The following ADGRL2 variants were observed in gnomAD, a reference collection of about 807,000 sequenced individuals.
ADGRL2 encodes adhesion G protein-coupled receptor L2, also known as calcium-independent alpha-latrotoxin receptor 2.
A neutral mutation model predicts 157.4 loss-of-function variants in ADGRL2; 44 were observed. The observed-to-expected ratio is 0.28, with a 90% CI of 0.22 to 0.36. The LOEUF is 0.36. Ranked by LOEUF, ADGRL2 falls within the 10% of genes least tolerant of loss-of-function variation. ADGRL2 has a pLI of 1.00. For missense variants in ADGRL2, 1,510 were observed against 1,768.9 expected, an observed-to-expected ratio of 0.85 and a Z score of 2.63; for synonymous variants, 585 against 624.7, an observed-to-expected ratio of 0.94 and a Z score of 0.95.
intron 3 of ADGRL2, among the ~76,000 whole-genome samples, chr1:81,658,395 A>G (rs555082836): frequency 2.6e-5 from 4 of 152,274 alleles, no homozygotes; most frequent in African/African-American, 9.6e-5. Flanking sequence ...GCACATGGCC[A>G]CATTGTCTCT....
chr1:81,593,751 C>A (rs143265876), intron 3 of ADGRL2, among the ~76,000 whole-genome samples: 1 of 152,236 alleles, frequency 6.6e-6, no homozygotes, highest in East Asian at 1.9e-4. Flanking sequence ...TGAGTTCCTT[C>A]TGTAGACAAA....
intron 2 of ADGRL2, among the ~76,000 whole-genome samples, chr1:81,550,923 A>C (rs1262069426): frequency 6.6e-6 from 1 of 152,172 alleles, no homozygotes; most frequent in Non-Finnish European, 1.5e-5. Context: ...CAGGAAGAAC[A>C]AGTTTGGGTG....
chr1:81,853,833 A>G (rs1241774939), intron 2 of ADGRL2, among the ~76,000 whole-genome samples: 2 of 152,118 alleles, frequency 1.3e-5, no homozygotes, highest in Admixed American at 6.6e-5. Flanking sequence ...TGAGAATTTT[A>G]TGCTTTATAA....
chr1:81,521,120 A>G (rs1202461419), intron 2 of ADGRL2, among the ~76,000 whole-genome samples: 1 of 152,228 alleles, frequency 6.6e-6, no homozygotes, highest in Non-Finnish European at 1.5e-5. Flanking sequence ...GTACTCAGCT[A>G]AAAATCAGTG....
intron 3 of ADGRL2, among the ~76,000 whole-genome samples, chr1:81,662,276 GAC>G (rs1557546505): frequency 8.0e-6 from 1 of 125,126 alleles, no homozygotes; most frequent in East Asian, 2.4e-4. Context: ...TTTTTCTTGA[GAC>G]AGAGTCTCAC....
chr1:81,811,771 A>C (rs1023224326), intron 1 of ADGRL2, among the ~76,000 whole-genome samples: 2 of 151,822 alleles, frequency 1.3e-5, no homozygotes, highest in Non-Finnish European at 2.9e-5. Context: ...CACTGCATTC[A>C]TTTAAAATTG....
At chr1:81,843,145 T>G (rs529501520) in intron 2 of ADGRL2, among the ~76,000 whole-genome samples, 1 of 152,274 alleles carries the variant, frequency 6.6e-6, no homozygotes, top group South Asian at 2.1e-4. Flanking sequence ...ACTATTATTA[T>G]TTTTTGAGAT....
Position 81,993,645 on chromosome 1 carries a change from T to C in ADGRL2, c.*2500T>C, listed in dbSNP as rs1046946576. Among the ~76,000 whole-genome samples the C allele has an allele frequency of 6.6e-5, 10 of 152,296 alleles. No homozygotes were observed. In the East Asian group the frequency reaches 1.5e-3, roughly 24 times the overall value. On this transcript the variant is annotated 3_prime_UTR_variant, in exon 24 of 24. Transcript: ENST00000686636. ...TTTTCAAAAATATATAAATATTGCC[T>C]TAAATTCCATCTAGGATTCCCTTAG...
intron 2 of ADGRL2, among the ~76,000 whole-genome samples, chr1:81,522,363 T>C (rs1570372801): frequency 1.3e-5 from 2 of 152,120 alleles, no homozygotes; most frequent in Non-Finnish European, 2.9e-5. Flanking sequence ...AAAAAAGAAT[T>C]GCTGGTTGGT....
intron 1 of ADGRL2, among the ~76,000 whole-genome samples, chr1:81,803,285 C>A (rs967727741): frequency 2.0e-5 from 3 of 152,050 alleles, no homozygotes; most frequent in Non-Finnish European, 4.4e-5. Flanking sequence ...ACCATGGAAG[C>A]GCCCCAGCAG....
At chr1:81,934,881 A>G (rs551205321) in intron 3 of ADGRL2, among the ~76,000 whole-genome samples, 1 of 152,102 alleles carries the variant, frequency 6.6e-6, no homozygotes, top group Admixed American at 6.6e-5. Context: ...GTAGGTATGA[A>G]TAAATACAAA....
chr1:81,775,375 C>T (rs904684648), intron 2 of ADGRL2, among the ~76,000 whole-genome samples: 2 of 152,112 alleles, frequency 1.3e-5, no homozygotes, highest in African/African-American at 4.8e-5. Flanking sequence ...CTGCTGTAGT[C>T]TGTGCTGTAC....
rs770578310 is a variant in ADGRL2, at chr1:81,770,317, C to T, written c.-101+8465C>T. Among the ~76,000 whole-genome samples, 53 of 151,722 alleles carry T rather than the reference C, an allele frequency of 3.5e-4. 1 individual carries two copies. Among genetic ancestry groups the T allele is most frequent in the Non-Finnish European group, 1.3e-4 (9 of 67,936 alleles). ...AGCTGGGAGTACAGGCACCTGCCAC[C>T]CTACCTGGCTAATTTTTGTATTTTT... On this transcript the variant is annotated intron_variant, in intron 2 of 20. Transcript: ENST00000359929.
chr1:81,503,453 C>G (rs2078899814), intron 2 of ADGRL2: 1 of 1,612,280 alleles, frequency 6.2e-7, no homozygotes, highest in Non-Finnish European at 8.5e-7. Context: ...GAGCCCTCCA[C>G]CAGCTGGTCC....
intron 1 of ADGRL2, among the ~76,000 whole-genome samples, chr1:81,441,458 A>G (rs76197216): frequency 1.3e-5 from 2 of 152,188 alleles, no homozygotes; most frequent in African/African-American, 4.8e-5. Flanking sequence ...TAAGAGTACA[A>G]ACTTACTTCT....
At chr1:81,350,940 C>T (rs1315880569) in intron 1 of ADGRL2, among the ~76,000 whole-genome samples, 2 of 152,088 alleles carry the variant, frequency 1.3e-5, no homozygotes, top group Admixed American at 6.5e-5. Context: ...ATAGGCAGTG[C>T]TCATATGTTT....
chr1:81,899,500 A>C (rs1228913603), intron 2 of ADGRL2, among the ~76,000 whole-genome samples: 1 of 152,126 alleles, frequency 6.6e-6, no homozygotes, highest in Non-Finnish European at 1.5e-5. Flanking sequence ...GCTTGGGGGG[A>C]AAAACTGTCT....
chr1:81,907,961 A>G (rs2094621217), intron 3 of ADGRL2, among the ~76,000 whole-genome samples: 1 of 152,186 alleles, frequency 6.6e-6, no homozygotes, highest in Admixed American at 6.6e-5. Flanking sequence ...GGTTCCATAG[A>G]TGCTAATGGA....
chr1:81,468,154 C>T (rs1380121683), intron 2 of ADGRL2, among the ~76,000 whole-genome samples: 1 of 152,018 alleles, frequency 6.6e-6, no homozygotes, highest in East Asian at 1.9e-4. Flanking sequence ...TGAAGTTCTC[C>T]ATTATATCTA....
Sources: allele counts gnomAD v4.1 joint callset (sites outside exome capture counted in the v4.1 genomes callset), GRCh38; gene constraint gnomAD v4.1.1; transcripts MANE v1.5; gene names NCBI Gene and HGNC (gene_info 2026-07-23, HGNC 2026-07-21).